The following MARK3 variants were observed in gnomAD, a reference collection of about 807,000 sequenced individuals.
MARK3 encodes MAP/microtubule affinity-regulating kinase 3.
In MARK3, 46 loss-of-function variants were observed where a neutral mutation model predicts 90.1. That is an observed-to-expected ratio of 0.51 (90% CI 0.40 to 0.65). The LOEUF (loss-of-function observed/expected upper bound fraction) is 0.65. Among genes scored for constraint, MARK3 ranks in the 30% least tolerant of loss-of-function variants. The probability of loss-of-function intolerance (pLI) is 0.00; values close to 1 mark genes in which losing one functional copy is unlikely to be tolerated. For synonymous variants in MARK3, 321 were observed against 332.6 expected (o/e 0.97, Z 0.38); for missense variants, 818 against 947.2 (o/e 0.86, Z 1.79).
chr14:103,390,114 G>GGCAGGTGCCTGTAGTC (rs1399786829), intron 1 of MARK3, among the ~76,000 whole-genome samples: 2 of 151,996 alleles, frequency 1.3e-5, no homozygotes, highest in Non-Finnish European at 2.9e-5. Context: ...CGGGCGTGGT[G>GGCAGGTGCCTGTAGTC]GCAGGTGCCT....
At chr14:103,432,244 C>T (rs2092604495) in intron 3 of MARK3, among the ~76,000 whole-genome samples, 1 of 152,114 alleles carries the variant, frequency 6.6e-6, no homozygotes, top group Non-Finnish European at 1.5e-5. Flanking sequence ...TAAATCTAGA[C>T]TGAGTAGGAC....
intron 14 of MARK3, among the ~76,000 whole-genome samples, chr14:103,482,998 ACTTTC>A (rs1335732955): frequency 5.3e-5 from 8 of 152,150 alleles, no homozygotes; most frequent in African/African-American, 1.7e-4. Flanking sequence ...TAATATTTGG[ACTTTC>A]CTTTCCTATC....
intron 2 of MARK3, among the ~76,000 whole-genome samples, chr14:103,416,951 G>A (rs1028200119): frequency 1.3e-5 from 2 of 152,156 alleles, no homozygotes; most frequent in Admixed American, 6.6e-5. Flanking sequence ...ATGTATTAGA[G>A]ATGTGAGGAG....
chr14:103,482,999 C>G (rs1426890521), intron 14 of MARK3, among the ~76,000 whole-genome samples: 1 of 152,100 alleles, frequency 6.6e-6, no homozygotes, highest in Non-Finnish European at 1.5e-5. Flanking sequence ...AATATTTGGA[C>G]TTTCCTTTCC....
chr14:103,490,854 C>T (rs945960688), intron 14 of MARK3: 3 of 661,334 alleles, frequency 4.5e-6, no homozygotes. Context: ...AATGAGATGG[C>T]TTGGGAGGAA....
intron 3 of MARK3, among the ~76,000 whole-genome samples, chr14:103,438,218 G>T (rs2092762806): frequency 6.6e-6 from 1 of 152,086 alleles, no homozygotes; most frequent in Non-Finnish European, 1.5e-5. Flanking sequence ...GGTCAGGCTG[G>T]TCTGGAACTC....
intron 14 of MARK3, chr14:103,489,496 A>T (rs2093982752): frequency 6.6e-6 from 1 of 152,358 alleles, no homozygotes; most frequent in African/African-American, 2.4e-5. Context: ...CTGTAAGGTG[A>T]ATAGATTGGA....
At chr14:103,457,262 T>G (rs1269509481) in intron 6 of MARK3, 50 bp downstream of exon 6, 3 of 1,360,552 alleles carry the variant, frequency 2.2e-6, no homozygotes, top group Non-Finnish European at 3.1e-6. Context: ...TTATCTCACT[T>G]AAACCCTGAA....
rs1353949935 is a variant in MARK3 at position 103,413,449 on chromosome 14, C to CA, written c.243+8183dup. Among the ~76,000 whole-genome samples the CA allele has an allele frequency of 3.8e-3, 461 of 121,188 alleles. 5 individuals are homozygous for CA. The highest frequency in any genetic ancestry group is 0.011 in the Middle Eastern group (2 of 186). 79.5% of individuals were successfully genotyped at this position (121,188 alleles called of 152,430 possible). A position where few individuals can be genotyped will look rare whatever the true frequency, so the allele number is the denominator to read the frequency against. Reference sequence around the variant, plus strand: ...GCATGCTTTTTTTTTTTTTTTGAGACAGAGTCTGGCTCTGTCGCCCAGGCT... The same window carrying CA: ...GCATGCTTTTTTTTTTTTTTTGAGACAAGAGTCTGGCTCTGTCGCCCAGGCT... On this transcript the variant is annotated intron_variant, in intron 2 of 17. Transcript: ENST00000429436.
intron 2 of MARK3, chr14:103,412,076 T>C: frequency 1.8e-6 from 1 of 558,058 alleles, no homozygotes; most frequent in Middle Eastern, 3.0e-4. Context: ...TTTTTGTTTT[T>C]TGTTTTTTTT....
At chr14:103,495,691 C>T (rs1335978396) in intron 15 of MARK3, among the ~76,000 whole-genome samples, 2 of 152,156 alleles carry the variant, frequency 1.3e-5, no homozygotes. Flanking sequence ...AGGCTATTTC[C>T]ACACCCCCAG....
intron 12 of MARK3, among the ~76,000 whole-genome samples, chr14:103,473,694 T>G (rs539538234): frequency 2.6e-4 from 40 of 152,240 alleles, no homozygotes; most frequent in South Asian, 6.2e-4. Context: ...AAGAACTAAC[T>G]CCTCCCCACT....
At chr14:103,473,732 A>G (rs963656767) in intron 12 of MARK3, among the ~76,000 whole-genome samples, 2 of 151,966 alleles carry the variant, frequency 1.3e-5, no homozygotes, top group Non-Finnish European at 2.9e-5. Context: ...TGTTTTTTAA[A>G]TTTATTTATT....
At chr14:103,421,101 TG>T (rs1270055580) in intron 2 of MARK3, among the ~76,000 whole-genome samples, 2 of 152,142 alleles carry the variant, frequency 1.3e-5, no homozygotes, top group African/African-American at 4.8e-5. Flanking sequence ...GCACTGCACA[TG>T]GCTATGGTGC....
chr14:103,406,433 C>T (rs2091303500), intron 2 of MARK3, among the ~76,000 whole-genome samples: 2 of 145,116 alleles, frequency 1.4e-5, no homozygotes, highest in Admixed American at 7.0e-5. Flanking sequence ...GGTGGGGTTT[C>T]ACCATGTTAG....
intron 3 of MARK3, among the ~76,000 whole-genome samples, chr14:103,434,305 T>A (rs1310046789): frequency 1.3e-5 from 2 of 152,130 alleles, no homozygotes; most frequent in Non-Finnish European, 2.9e-5. Flanking sequence ...ACGAGAAGTG[T>A]CATGAACTGC....
intron 13 of MARK3, among the ~76,000 whole-genome samples, chr14:103,476,279 A>G (rs754666955): frequency 5.3e-5 from 8 of 152,228 alleles, no homozygotes; most frequent in Non-Finnish European, 8.8e-5. Context: ...GGGAGGTCTG[A>G]CTGCCAGTGC....
intron 15 of MARK3, among the ~76,000 whole-genome samples, chr14:103,496,194 C>G (rs182780709): frequency 6.6e-6 from 1 of 152,180 alleles, no homozygotes; most frequent in East Asian, 1.9e-4. Flanking sequence ...GCAGCTGCCT[C>G]CTTCCTCTTT....
At chr14:103,441,307 C>T (rs919176693) in intron 3 of MARK3, among the ~76,000 whole-genome samples, 3 of 151,860 alleles carry the variant, frequency 2.0e-5, no homozygotes, top group African/African-American at 4.8e-5. Context: ...GTTTTTGAGA[C>T]GGAGTTTCGC....
Sources: gnomAD v4.1 joint callset for allele counts (sites outside exome capture counted in the v4.1 genomes callset) on GRCh38, gnomAD v4.1.1 for gene constraint, MANE v1.5 for transcripts, NCBI Gene and HGNC (gene_info 2026-07-23, HGNC 2026-07-21) for gene names.